Variants in CRLF3 observed in about 807,000 individuals in gnomAD.
The protein encoded by CRLF3 is cytokine receptor like factor 3, also known as cytokine receptor-like factor 3.
A neutral mutation model predicts 55.0 loss-of-function variants in CRLF3; 33 were observed. The observed-to-expected ratio is 0.60, with a 90% confidence interval of 0.46 to 0.80. CRLF3 has a LOEUF of 0.80. Ranked by LOEUF, CRLF3 falls within the 30% of genes least tolerant of loss-of-function variation. The pLI is 0.00. For missense variants in CRLF3, 494 were observed against 538.4 expected (o/e 0.92, Z 0.82); for synonymous variants, 238 against 196.8 (o/e 1.21, Z -1.75).
At chr17:30,797,807 T>A (rs909107647) in intron 2 of CRLF3, among the ~76,000 whole-genome samples, 10 of 149,984 alleles carry the variant, frequency 6.7e-5, no homozygotes, top group Middle Eastern at 3.4e-3. Context: ...CTGGGTCTTG[T>A]TCTGTCACTC....
chr17:30,815,823 T>C (rs79565452), intron 1 of CRLF3, among the ~76,000 whole-genome samples: 20,417 of 149,970 alleles, frequency 0.14, 1,488 homozygotes, highest in South Asian at 0.25. Context: ...GGATTACAGG[T>C]GTGAGCCACT....
chr17:30,812,032 C>T (rs1302917941), intron 1 of CRLF3, among the ~76,000 whole-genome samples: 3 of 151,480 alleles, frequency 2.0e-5, no homozygotes, highest in Non-Finnish European at 2.9e-5. Flanking sequence ...ATGGCGTGAG[C>T]GGGGGAGGCG....
At chr17:30,803,780 C>T (rs1972043118) in intron 2 of CRLF3, 121 bp downstream of exon 2, 1 of 769,208 alleles carries the variant, frequency 1.3e-6, no homozygotes, top group Non-Finnish European at 2.2e-6. Context: ...TCCCCAGCCA[C>T]ATGGAACTGT....
chr17:30,786,630 C>T (rs948336112), intron 6 of CRLF3: 2 of 152,174 alleles, frequency 1.3e-5, no homozygotes, highest in African/African-American at 2.4e-5. Context: ...AACCTGATCC[C>T]GACTACCTGG....
intron 2 of CRLF3, 183 bp downstream of exon 2, chr17:30,803,718 C>G: frequency 1.6e-6 from 1 of 615,172 alleles, no homozygotes; most frequent in South Asian, 1.9e-5. Flanking sequence ...ATTCTCTTCT[C>G]TTGTCTGCCG....
At chr17:30,787,511 T>C (rs1176060293) in intron 6 of CRLF3, 4 of 147,520 alleles carry the variant, frequency 2.7e-5, no homozygotes, top group African/African-American at 1.0e-4. Context: ...ATTCTCTCCA[T>C]CCAGAAAGCC....
chr17:30,796,485 C>T, intron 3 of CRLF3, 148 bp from the exon 4 acceptor site: 2 of 567,764 alleles, frequency 3.5e-6, no homozygotes, highest in South Asian at 3.1e-5. Flanking sequence ...AGATGTTACA[C>T]AAAGATTCTC....
rs1028631061 is a variant in CRLF3 at position 30,805,290 on chromosome 17, A to T, written c.130-1182T>A. Among the ~76,000 whole-genome samples the T allele has an allele frequency of 2.6e-5, 4 of 152,206 alleles. No individual in the cohort carries two copies. In the East Asian group the frequency reaches 5.8e-4, roughly 22 times the overall value. On this transcript the variant is annotated intron_variant, in intron 1 of 7. Transcript: ENST00000324238. ...TAAATGGCACATTGTTATACTCGCT[A>T]AAAAAAGTTATAAATTATTATCTAT... is the stretch of plus-strand genomic sequence containing the variant.
At chr17:30,797,282 G>C (rs748397429) in intron 3 of CRLF3, 29 bp downstream of exon 3, 3 of 1,497,692 alleles carry the variant, frequency 2.0e-6, no homozygotes, top group Non-Finnish European at 2.8e-6. Context: ...ATGCTTAAAA[G>C]TAAGTCAAAA....
rs1275346399 is a variant in CRLF3, at chr17:30,784,759, T to A, written c.1073-316A>T. 5 of 108,320 alleles carry A rather than the reference T, an allele frequency of 4.6e-5. No homozygotes were observed. In the East Asian group the frequency reaches 7.8e-4, roughly 17 times the overall value. 6.7% of individuals were successfully genotyped at this position (108,320 alleles called of 1,614,324 possible). On this transcript the variant is annotated intron_variant, in intron 7 of 7. Transcript: ENST00000324238. ...CCGAATTCTTGACTCACCAACACAATTTTTTTTTTTTTTTTGGAGACAGAG... is the reference window on the plus strand; with the variant it reads ...CCGAATTCTTGACTCACCAACACAAATTTTTTTTTTTTTTTGGAGACAGAG...
In CRLF3 at chr17:30,782,984, C is replaced by T. The variant is rs1376935491; in HGVS notation, c.*1203G>A. 1 of 151,830 alleles carries T rather than the reference C, an allele frequency of 6.6e-6. No individual in the cohort carries two copies. The highest frequency in any genetic ancestry group is 1.5e-5 in the Non-Finnish European group (1 of 67,974). The allele number at this position is 151,830 out of a possible 1,614,324, so 9.4% of individuals were successfully genotyped here. A position where few individuals can be genotyped will look rare whatever the true frequency, so the allele number is the denominator to read the frequency against. On this transcript the variant is annotated 3_prime_UTR_variant, in exon 8 of 8. Coordinates refer to ENST00000324238, the MANE Select transcript of CRLF3 (RefSeq NM_015986.4). ...ACAATTATTTTTACATATTAAAGTC[C>T]TTCAAATAAATATTTTACACACAAA...
chr17:30,803,633 C>G (rs1268295109), intron 2 of CRLF3: 1 of 368,958 alleles, frequency 2.7e-6, no homozygotes, highest in Non-Finnish European at 5.0e-6. Context: ...GTTTCTCCCA[C>G]ACTGTTCTTG....
intron 3 of CRLF3, 137 bp downstream of exon 3, chr17:30,797,174 A>T: frequency 1.5e-6 from 1 of 687,972 alleles, no homozygotes; most frequent in Non-Finnish European, 2.5e-6. Context: ...TACAGGTGTA[A>T]ACCACCACGC....
At chr17:30,793,248 C>T (rs951308754) in intron 5 of CRLF3, among the ~76,000 whole-genome samples, 14 of 139,048 alleles carry the variant, frequency 1.0e-4, no homozygotes, top group African/African-American at 4.5e-4. Flanking sequence ...AAATCTTGTC[C>T]AGCATTTTTT....
In CRLF3 at chr17:30,796,254, T is replaced by A; in HGVS notation, c.509A>T (p.His170Leu). The change falls in exon 4 of 8, where the codon CAC becomes CTC. Residue 170 changes from histidine (H) to leucine (L), a missense_variant. His to Leu is a moderately conservative substitution (Grantham distance 99, BLOSUM62 -3). Transcript: ENST00000324238. ...TGCTACTGTTCCATGCTTAAAAATGTGGTCTTTCACTATGTTAAGAATTGA... is the reference window on the plus strand; with the variant it reads ...TGCTACTGTTCCATGCTTAAAAATGAGGTCTTTCACTATGTTAAGAATTGA... ...DDSILNIVKD[H>L]IFKHGTVASR... 6.2e-7 allele frequency: 1 copy of A among 1,614,040 alleles called. No homozygotes were observed. The highest frequency in any genetic ancestry group is 8.5e-7 in the Non-Finnish European group (1 of 1,179,926).
At chr17:30,790,597 A>G (rs953657789) in intron 6 of CRLF3, 1 of 125,306 alleles carries the variant, frequency 8.0e-6, no homozygotes, top group Admixed American at 8.3e-5. Context: ...TGGCCAGTAA[A>G]TTTTTTTGCT....
intron 1 of CRLF3, among the ~76,000 whole-genome samples, chr17:30,813,479 G>A (rs924996553): frequency 3.9e-5 from 6 of 152,136 alleles, no homozygotes; most frequent in African/African-American, 1.4e-4. Context: ...AAGAGAGTAG[G>A]AGACATTTAA....
intron 2 of CRLF3, among the ~76,000 whole-genome samples, chr17:30,799,251 C>A (rs1413267761): frequency 1.3e-5 from 2 of 152,184 alleles, no homozygotes; most frequent in East Asian, 3.8e-4. Flanking sequence ...CCAGCCCAGG[C>A]AACAGTGCAA....
intron 5 of CRLF3, among the ~76,000 whole-genome samples, chr17:30,793,148 CTAAA>C (rs796133767): frequency 6.6e-6 from 1 of 151,586 alleles, no homozygotes; most frequent in Non-Finnish European, 1.5e-5. Flanking sequence ...AAAAAACTAA[CTAAA>C]TAACATTCAA....
Sources: allele counts gnomAD v4.1 joint callset (sites outside exome capture counted in the v4.1 genomes callset), GRCh38; gene constraint gnomAD v4.1.1; transcripts MANE v1.5; gene names NCBI Gene and HGNC (gene_info 2026-07-23, HGNC 2026-07-21).